Variants in ZFAND3 observed in about 807,000 individuals in gnomAD.
ZFAND3 encodes zinc finger AN1-type containing 3.
A neutral mutation model predicts 29.6 loss-of-function variants in ZFAND3; 10 were observed. That is an observed-to-expected ratio of 0.34 (90% confidence interval 0.21 to 0.57). The LOEUF (loss-of-function observed/expected upper bound fraction) is 0.57, where lower values mean the gene tolerates loss of function less well. Ranked by LOEUF, ZFAND3 falls within the 20% of genes least tolerant of loss-of-function variation. The pLI, the probability that ZFAND3 is intolerant of heterozygous loss-of-function variation, is 0.86. For missense variants in ZFAND3, 230 were observed against 304.5 expected (o/e 0.76, Z 1.82); for synonymous variants, 128 against 112.6 (o/e 1.14, Z -0.87).
chr6:38,070,053 A>G (rs143352316), intron 3 of ZFAND3, among the ~76,000 whole-genome samples: 1 of 152,272 alleles, frequency 6.6e-6, no homozygotes, highest in Non-Finnish European at 1.5e-5. Context: ...CCCAATTCCT[A>G]CTTTTTACAG....
intron 1 of ZFAND3, among the ~76,000 whole-genome samples, chr6:37,837,177 G>T (rs2127371541): frequency 1.3e-5 from 2 of 152,124 alleles, no homozygotes; most frequent in East Asian, 3.8e-4. Flanking sequence ...GAAAAATTAG[G>T]TGAAGTATGA....
At chr6:38,092,983 G>A (rs530883942) in intron 4 of ZFAND3, among the ~76,000 whole-genome samples, 3 of 152,252 alleles carry the variant, frequency 2.0e-5, no homozygotes, top group African/African-American at 4.8e-5. Context: ...ATGCCTTAAG[G>A]TGTGCCTAGG....
chr6:38,090,120 T>C (rs1159139231), intron 4 of ZFAND3, among the ~76,000 whole-genome samples: 1 of 152,204 alleles, frequency 6.6e-6, no homozygotes, highest in Non-Finnish European at 1.5e-5. Flanking sequence ...CCCAAAGTGC[T>C]GGGATTACAG....
intron 1 of ZFAND3, among the ~76,000 whole-genome samples, chr6:37,876,201 C>T (rs769503505): frequency 6.6e-6 from 1 of 152,186 alleles, no homozygotes; most frequent in African/African-American, 2.4e-5. Context: ...GGGGAGGGCA[C>T]AGCAGAAATG....
At chr6:38,150,588 T>C (rs532432741) in intron 5 of ZFAND3, among the ~76,000 whole-genome samples, 1 of 152,330 alleles carries the variant, frequency 6.6e-6, no homozygotes, top group Non-Finnish European at 1.5e-5. Flanking sequence ...AATCTTAACC[T>C]TAAATCTTAA....
At chr6:37,901,869 G>A (rs1456313343) in intron 1 of ZFAND3, among the ~76,000 whole-genome samples, 1 of 152,190 alleles carries the variant, frequency 6.6e-6, no homozygotes, top group Non-Finnish European at 1.5e-5. Context: ...AAGTACTGGA[G>A]AGACCTTCTT....
chr6:38,108,929 C>G (rs923799307), intron 4 of ZFAND3, among the ~76,000 whole-genome samples: 1 of 152,026 alleles, frequency 6.6e-6, no homozygotes, highest in African/African-American at 2.4e-5. Flanking sequence ...ATTCATTAAC[C>G]TTTTCTATAT....
At chr6:37,930,099 A>G in intron 2 of ZFAND3, 100 bp downstream of exon 2, 1 of 1,168,052 alleles carries the variant, frequency 8.6e-7, no homozygotes. Context: ...TAAAGGATTT[A>G]TGCATGGGGT....
At chr6:38,025,132 C>T (rs922515067) in intron 2 of ZFAND3, among the ~76,000 whole-genome samples, 1 of 152,130 alleles carries the variant, frequency 6.6e-6, no homozygotes, top group Non-Finnish European at 1.5e-5. Flanking sequence ...CATTACATTC[C>T]TTTGTTTTAG....
At chr6:38,090,854 A>G (rs2127473904) in intron 4 of ZFAND3, among the ~76,000 whole-genome samples, 1 of 152,366 alleles carries the variant, frequency 6.6e-6, no homozygotes, top group Non-Finnish European at 1.5e-5. Flanking sequence ...CACAATGTAT[A>G]GATTTCAGAT....
intron 2 of ZFAND3, among the ~76,000 whole-genome samples, chr6:38,060,963 T>A (rs1332528347): frequency 1.1e-4 from 16 of 152,184 alleles, no homozygotes; most frequent in Non-Finnish European, 1.3e-4. Context: ...CTGCATTTGG[T>A]TGAAAAAAAT....
intron 5 of ZFAND3, among the ~76,000 whole-genome samples, chr6:38,122,540 C>G (rs1350680977): frequency 6.6e-6 from 1 of 152,142 alleles, no homozygotes; most frequent in Non-Finnish European, 1.5e-5. Context: ...GCTCTTGTGG[C>G]ATACTTCCCA....
At chr6:38,076,168 T>C (rs1297346511) in intron 3 of ZFAND3, among the ~76,000 whole-genome samples, 1 of 152,058 alleles carries the variant, frequency 6.6e-6, no homozygotes, top group Non-Finnish European at 1.5e-5. Flanking sequence ...AAGAAGAGTA[T>C]GAATCACTGA....
intron 5 of ZFAND3, among the ~76,000 whole-genome samples, chr6:38,148,063 T>G (rs1766146144): frequency 6.6e-6 from 1 of 152,172 alleles, no homozygotes; most frequent in Admixed American, 6.5e-5. Flanking sequence ...TTTCCCTAGG[T>G]TTTCTTGTAG....
At chr6:38,148,261 C>T (rs562518565) in intron 5 of ZFAND3, among the ~76,000 whole-genome samples, 6 of 152,214 alleles carry the variant, frequency 3.9e-5, no homozygotes, top group Middle Eastern at 6.8e-3. Context: ...AAAGATCAGC[C>T]GGCTGTGAAT....
chr6:38,004,608 A>G (rs530940156), intron 2 of ZFAND3, among the ~76,000 whole-genome samples: 12 of 152,132 alleles, frequency 7.9e-5, no homozygotes, highest in Middle Eastern at 3.4e-3. Flanking sequence ...AAATGTAACA[A>G]TATTTTCATT....
chr6:37,829,722 C>T (rs139343432), intron 1 of ZFAND3, among the ~76,000 whole-genome samples: 1 of 152,274 alleles, frequency 6.6e-6, no homozygotes, highest in East Asian at 1.9e-4. Context: ...CCCTGTTCCC[C>T]CAACCTCACC....
chr6:37,984,588 A>G (rs1319308284), intron 2 of ZFAND3, among the ~76,000 whole-genome samples: 1 of 152,244 alleles, frequency 6.6e-6, no homozygotes, highest in East Asian at 1.9e-4. Context: ...ATATGATTAC[A>G]TAATTTGAAC....
intron 1 of ZFAND3, among the ~76,000 whole-genome samples, chr6:37,913,977 A>C (rs1348512977): frequency 6.6e-6 from 1 of 151,816 alleles, no homozygotes; most frequent in Non-Finnish European, 1.5e-5. Context: ...TGCTCACCTC[A>C]GCCTCCCGAA....
Sources: allele counts gnomAD v4.1 joint callset (sites outside exome capture counted in the v4.1 genomes callset), GRCh38; gene constraint gnomAD v4.1.1; transcripts MANE v1.5; gene names NCBI Gene and HGNC (gene_info 2026-07-23, HGNC 2026-07-21).